The following PXDNL variants were observed in gnomAD, a reference collection of about 807,000 sequenced individuals.
PXDNL encodes peroxidasin like.
Under a neutral mutation model 150.8 loss-of-function variants are expected in PXDNL, and 145 were observed. The observed-to-expected ratio is 0.96, with a 90% CI of 0.84 to 1.10. The LOEUF (loss-of-function observed/expected upper bound fraction) is 1.10, where lower values mean the gene tolerates loss of function less well. Among genes scored for constraint, PXDNL ranks in the 50% least tolerant of loss-of-function variants. The pLI is 0.00. For synonymous variants in PXDNL, 757 were observed against 725.7 expected (o/e 1.04, Z -0.69); for missense variants, 2,087 against 1,873.9 (o/e 1.11, Z -2.10).
chr8:51,676,385 T>C (rs954287108), intron 1 of PXDNL, among the ~76,000 whole-genome samples: 1 of 152,166 alleles, frequency 6.6e-6, no homozygotes, highest in Non-Finnish European at 1.5e-5. Context: ...CAAGCAATTC[T>C]CCTGCCTCAG....
chr8:51,676,541 T>TA (rs1328841439), intron 1 of PXDNL, among the ~76,000 whole-genome samples: 1 of 151,986 alleles, frequency 6.6e-6, no homozygotes, highest in African/African-American at 2.4e-5. Flanking sequence ...CCTCCCAAAA[T>TA]ACTGGGATTA....
chr8:51,637,429 T>G (rs78456958), intron 2 of PXDNL, among the ~76,000 whole-genome samples: 17,452 of 152,022 alleles, frequency 0.11, 1,646 homozygotes, highest in African/African-American at 0.25. Flanking sequence ...TTCGAACCCA[T>G]CGCAAAGAAG....
At chr8:51,323,179 A>G (rs529479983) in intron 21 of PXDNL, among the ~76,000 whole-genome samples, 3 of 152,352 alleles carry the variant, frequency 2.0e-5, no homozygotes, top group Non-Finnish European at 2.9e-5. Flanking sequence ...GGGAAAATGC[A>G]TATCTATTCT....
At chr8:51,700,527 GACAC>G (rs1326252745) in intron 1 of PXDNL, among the ~76,000 whole-genome samples, 1 of 146,986 alleles carries the variant, frequency 6.8e-6, no homozygotes, top group Non-Finnish European at 1.5e-5. Context: ...TATATACACA[GACAC>G]ACACAAATAC....
chr8:51,371,764 G>T, intron 19 of PXDNL, 109 bp downstream of exon 19: 2 of 1,013,646 alleles, frequency 2.0e-6, no homozygotes, highest in Non-Finnish European at 2.9e-6. Context: ...CTGTGTTGTT[G>T]GCTTTTTGCG....
At chr8:51,373,236 A>G (rs142951265) in intron 18 of PXDNL, among the ~76,000 whole-genome samples, 58 of 152,352 alleles carry the variant, frequency 3.8e-4, no homozygotes, top group African/African-American at 1.3e-3. Flanking sequence ...AGGGAAGACC[A>G]CGTGAAGACA....
chr8:51,489,521 T>C (rs1810842834), intron 5 of PXDNL, among the ~76,000 whole-genome samples: 1 of 152,182 alleles, frequency 6.6e-6, no homozygotes. Context: ...TTTTGCTATG[T>C]TGCCCAGGCT....
chr8:51,605,577 A>T (rs548740272), intron 2 of PXDNL, among the ~76,000 whole-genome samples: 14 of 152,340 alleles, frequency 9.2e-5, no homozygotes, highest in African/African-American at 2.9e-4. Context: ...TCTAAGATCG[A>T]AGATGAGGCT....
At chr8:51,659,939 G>C (rs1056268135) in intron 1 of PXDNL, among the ~76,000 whole-genome samples, 1 of 151,580 alleles carries the variant, frequency 6.6e-6, no homozygotes, top group African/African-American at 2.4e-5. Context: ...CGCCCAGGCT[G>C]GAGTGCAGTG....
intron 2 of PXDNL, among the ~76,000 whole-genome samples, chr8:51,620,462 A>T (rs1814227020): frequency 6.6e-6 from 1 of 152,152 alleles, no homozygotes. Flanking sequence ...GTTTTCTCAG[A>T]ATTCCAGGCA....
intron 1 of PXDNL, among the ~76,000 whole-genome samples, chr8:51,725,956 T>C (rs1816810982): frequency 6.6e-6 from 1 of 152,224 alleles, no homozygotes; most frequent in African/African-American, 2.4e-5. Flanking sequence ...TATGTTTTGG[T>C]TCAGTCGTTA....
intron 2 of PXDNL, among the ~76,000 whole-genome samples, chr8:51,619,389 G>A (rs1814192246): frequency 6.6e-6 from 1 of 152,218 alleles, no homozygotes; most frequent in Admixed American, 6.5e-5. Flanking sequence ...AAGGAACGCT[G>A]CATGAAGAGG....
intron 4 of PXDNL, among the ~76,000 whole-genome samples, chr8:51,546,971 A>G (rs117205728): frequency 0.026 from 3,919 of 152,192 alleles, 77 homozygotes; most frequent in Non-Finnish European, 0.038. Context: ...CACCCGCTCA[A>G]TCCCTCACAG....
chr8:51,453,869 A>G, intron 9 of PXDNL, 84 bp from the exon 10 acceptor site: 1 of 1,444,340 alleles, frequency 6.9e-7, no homozygotes, highest in Non-Finnish European at 9.3e-7. Flanking sequence ...TTTTAAGATT[A>G]TTGTCATTTT....
In PXDNL at chr8:51,740,201, T is replaced by C. The variant is rs563299675; in HGVS notation, c.164+68980A>G. 2.0e-5 allele frequency among the ~76,000 whole-genome samples: 3 copies of C among 152,374 alleles called. No individual in the cohort carries two copies. The East Asian group carries it at 5.8e-4, about 29-fold the overall frequency. On this transcript the variant is annotated intron_variant, in intron 1 of 22. Coordinates refer to ENST00000356297, the MANE Select transcript of PXDNL (RefSeq NM_144651.5). ...CTTCTAGTAAAATGATATGATTATA[T>C]AATTTTTTCTTTACTGTGTTAATGT...
chr8:51,506,540 CAAAAAAAAAAA>C lies in PXDNL; in HGVS notation c.381-6781_381-6771del, dbSNP rs11312240. Among the ~76,000 whole-genome samples the C allele has an allele frequency of 8.9e-5, 6 of 67,500 alleles. No homozygotes were observed. In the East Asian group the frequency reaches 1.9e-3, roughly 22 times the overall value. The allele number at this position is 67,500 out of a possible 152,430, so 44.3% of individuals were successfully genotyped here. ...TGGGTGACAGAGTGAGACTCTGTCT[CAAAAAAAAAAA>C]AAAAAAAAAAAAAAAAACTAGTTAC... On this transcript the variant is annotated intron_variant, in intron 4 of 22. Coordinates refer to ENST00000356297, the MANE Select transcript of PXDNL (RefSeq NM_144651.5).
chr8:51,749,758 T>G (rs1222037104), intron 1 of PXDNL, among the ~76,000 whole-genome samples: 1 of 152,170 alleles, frequency 6.6e-6, no homozygotes, highest in Non-Finnish European at 1.5e-5. Flanking sequence ...TGGAGTGCAG[T>G]GGCATGATCT....
At chr8:51,489,187 G>A (rs1041992031) in intron 5 of PXDNL, among the ~76,000 whole-genome samples, 5 of 152,176 alleles carry the variant, frequency 3.3e-5, no homozygotes, top group African/African-American at 1.2e-4. Context: ...AGAATAAAGG[G>A]AAACATAGTC....
chr8:51,522,534 A>G (rs1173751227), intron 4 of PXDNL, among the ~76,000 whole-genome samples: 1 of 152,202 alleles, frequency 6.6e-6, no homozygotes, highest in Non-Finnish European at 1.5e-5. Context: ...ATTTTCTTCT[A>G]TTGTAATTGG....
Sources: allele counts gnomAD v4.1 joint callset (sites outside exome capture counted in the v4.1 genomes callset), GRCh38; gene constraint gnomAD v4.1.1; transcripts MANE v1.5; gene names NCBI Gene and HGNC (gene_info 2026-07-23, HGNC 2026-07-21).